TBC1D5: variants seen among roughly 807,000 people sequenced by gnomAD.
TBC1D5 encodes the protein TBC1 domain family, member 5.
TBC1D5 carries 75 observed loss-of-function variants against 100.3 expected under a neutral mutation model. That is an observed-to-expected ratio of 0.75 (90% CI 0.62 to 0.91). TBC1D5 has a LOEUF of 0.91. Among genes scored for constraint, TBC1D5 ranks in the 40% least tolerant of loss-of-function variants. The pLI is 0.00. For synonymous variants in TBC1D5, 323 were observed against 325.6 expected (o/e 0.99, Z 0.09); for missense variants, 910 against 942.4 (o/e 0.97, Z 0.45).
At chr3:17,302,572 G>A (rs377041908) in intron 14 of TBC1D5, among the ~76,000 whole-genome samples, 5 of 151,996 alleles carry the variant, frequency 3.3e-5, no homozygotes, top group Admixed American at 2.6e-4. Flanking sequence ...TCTATTTTTG[G>A]GGGATGTGTT....
Position 17,161,226 on chromosome 3 carries a change from T to TATCA in TBC1D5, c.2121_2124dup (p.Arg709Ter), listed in dbSNP as rs771036241. The TATCA allele has an allele frequency of 4.3e-5, 70 of 1,613,792 alleles. No homozygotes were observed. Among genetic ancestry groups the TATCA allele is most frequent in the African/African-American group, 6.7e-5 (5 of 74,932 alleles). Reference sequence around the variant, plus strand: ...AGGATGAAGTCATCGGAATTCCCTCTATCAGTGCACCCTGGCGTTTCTGAA... The same window carrying TATCA: ...AGGATGAAGTCATCGGAATTCCCTCTATCAATCAGTGCACCCTGGCGTTTCTGAA... On this transcript the variant is annotated stop_gained and frameshift_variant, in exon 22 of 22. Coordinates refer to ENST00000253692, the Ensembl canonical transcript of TBC1D5. LOFTEE classifies it high-confidence loss of function.
chr3:17,359,777 C>G lies in TBC1D5; in HGVS notation c.995+12298G>C, dbSNP rs530668957. On this transcript the variant is annotated intron_variant, in intron 13 of 21. Coordinates refer to ENST00000253692, the Ensembl canonical transcript of TBC1D5. ...ATACCATACATAAATTACCATATGG[C>G]AATAGAAAAGAGCTTATTAGAGCAA... Among the ~76,000 whole-genome samples, 155 of 151,950 alleles carry G rather than the reference C, an allele frequency of 1.0e-3. 1 individual carries two copies. The highest frequency in any genetic ancestry group is 3.5e-3 in the African/African-American group (144 of 41,470).
intron 3 of TBC1D5, among the ~76,000 whole-genome samples, chr3:17,479,799 G>T (rs2095479915): frequency 6.6e-6 from 1 of 152,242 alleles, no homozygotes; most frequent in African/African-American, 2.4e-5. Context: ...CTGTGAAGAT[G>T]CTGGGTGCAG....
chr3:17,683,526 A>T lies in TBC1D5; in HGVS notation c.-101+55817T>A, dbSNP rs2069798375. On this transcript the variant is annotated intron_variant, in intron 1 of 21. Transcript: ENST00000253692. ...AAGAAAGATGACTAAATGTTATACA[A>T]AACGAATATACTTTGCAAGTTAAAT... Among the ~76,000 whole-genome samples, 2 of 146,596 alleles carry T rather than the reference A, an allele frequency of 1.4e-5. 1 individual carries two copies. The highest frequency in any genetic ancestry group is 5.5e-5 in the African/African-American group (2 of 36,246).
At position 17,536,090 on chromosome 3, in the gene TBC1D5, T is replaced by C. The variant is rs558620643; in HGVS notation, c.-35-27485A>G. Among the ~76,000 whole-genome samples, 5 of 152,282 alleles carry C rather than the reference T, an allele frequency of 3.3e-5. 1 individual carries two copies. In the South Asian group the frequency reaches 8.3e-4, roughly 25 times the overall value. ...AGACAATCTTCAATCCTATTTTCAA[T>C]GCATGCATCAAGAAGTTTCTCAAAC... On this transcript the variant is annotated intron_variant, in intron 2 of 21. Coordinates refer to ENST00000253692, the Ensembl canonical transcript of TBC1D5.
chr3:17,670,094 G>A (rs375848468), intron 1 of TBC1D5, among the ~76,000 whole-genome samples: 6 of 152,136 alleles, frequency 3.9e-5, no homozygotes, highest in African/African-American at 1.4e-4. Context: ...CACTATGTTG[G>A]CCAGGCTGGT....
At chr3:17,493,232 A>T (rs115575024) in intron 3 of TBC1D5, among the ~76,000 whole-genome samples, 9,189 of 143,782 alleles carry the variant, frequency 0.064, 379 homozygotes, top group Non-Finnish European at 0.094. Flanking sequence ...GTTGGAAATT[A>T]TTTTTTTTTT....
intron 13 of TBC1D5, among the ~76,000 whole-genome samples, chr3:17,317,971 C>T (rs1278704951): frequency 6.6e-6 from 1 of 151,888 alleles, no homozygotes; most frequent in Non-Finnish European, 1.5e-5. Context: ...AGACTTGGAA[C>T]CAACCCAAAT....
intron 4 of TBC1D5, among the ~76,000 whole-genome samples, chr3:17,427,065 T>C (rs2094351559): frequency 6.6e-6 from 1 of 152,054 alleles, no homozygotes; most frequent in African/African-American, 2.4e-5. Context: ...GAATAGGGGA[T>C]TCTACCTATA....
intron 16 of TBC1D5, among the ~76,000 whole-genome samples, chr3:17,257,088 A>G (rs957250261): frequency 1.3e-5 from 2 of 151,434 alleles, no homozygotes; most frequent in African/African-American, 4.8e-5. Context: ...CAGTGGCAAT[A>G]GGAAGCCTTT....
intron 16 of TBC1D5, among the ~76,000 whole-genome samples, chr3:17,241,290 T>TA (rs1412436744): frequency 6.6e-6 from 1 of 152,206 alleles, no homozygotes; most frequent in Non-Finnish European, 1.5e-5. Context: ...CTGTGATGTG[T>TA]ATGATTAAGT....
chr3:17,481,823 C>T (rs1348181234), intron 3 of TBC1D5, among the ~76,000 whole-genome samples: 1 of 152,220 alleles, frequency 6.6e-6, no homozygotes, highest in African/African-American at 2.4e-5. Flanking sequence ...TCACTGCAAC[C>T]TCCACCTCCC....
intron 2 of TBC1D5, among the ~76,000 whole-genome samples, chr3:17,544,620 C>T (rs1041998854): frequency 7.3e-6 from 1 of 136,312 alleles, no homozygotes; most frequent in Non-Finnish European, 1.5e-5. Flanking sequence ...CACTGCACTA[C>T]AACCTGGGCG....
intron 10 of TBC1D5, among the ~76,000 whole-genome samples, chr3:17,375,673 TA>T (rs964435697): frequency 1.1e-4 from 16 of 149,166 alleles, no homozygotes; most frequent in African/African-American, 2.2e-4. Context: ...TTGTCAAGAT[TA>T]AAAAAAAAAC....
At chr3:17,166,732 G>A (rs767725425) in intron 21 of TBC1D5, 35 bp downstream of exon 22, 2 of 1,581,902 alleles carry the variant, frequency 1.3e-6, no homozygotes, top group Non-Finnish European at 1.7e-6. Flanking sequence ...TGCTCCCTTT[G>A]AGTTAATGTA....
intron 1 of TBC1D5, chr3:17,739,252 G>C (rs1278481918): frequency 2.0e-5 from 3 of 152,216 alleles, no homozygotes; most frequent in Admixed American, 2.0e-4. Flanking sequence ...CTGCTAACAG[G>C]ACAAAGCTTT....
intron 17 of TBC1D5, among the ~76,000 whole-genome samples, chr3:17,218,099 T>TA (rs1279799252): frequency 2.6e-5 from 4 of 152,048 alleles, no homozygotes; most frequent in Non-Finnish European, 5.9e-5. Context: ...GAACTATTTG[T>TA]AAAAAAGACT....
intron 13 of TBC1D5, among the ~76,000 whole-genome samples, chr3:17,313,531 G>A (rs745476838): frequency 5.3e-5 from 8 of 151,964 alleles, no homozygotes; most frequent in East Asian, 1.9e-4. Context: ...CCTATCCTCC[G>A]TAATCTGAAA....
intron 18 of TBC1D5, among the ~76,000 whole-genome samples, chr3:17,212,522 C>G (rs2073107347): frequency 6.6e-6 from 1 of 151,804 alleles, no homozygotes; most frequent in Non-Finnish European, 1.5e-5. Context: ...AAAGAGTTAA[C>G]TTTAAAACAA....
Sources: gnomAD v4.1 joint callset for allele counts (sites outside exome capture counted in the v4.1 genomes callset) on GRCh38, gnomAD v4.1.1 for gene constraint, MANE v1.5 for transcripts, NCBI Gene and HGNC (gene_info 2026-07-23, HGNC 2026-07-21) for gene names.